The following YTHDC2 variants were observed in gnomAD, a reference collection of about 807,000 sequenced individuals.
The protein encoded by YTHDC2 is YTH N6-methyladenosine RNA binding protein C2.
In YTHDC2, 45 loss-of-function variants were observed where a neutral mutation model predicts 174.9. That is an observed-to-expected ratio of 0.26 (90% CI 0.20 to 0.33). The LOEUF is 0.33. Ranked by LOEUF, YTHDC2 falls within the 10% of genes least tolerant of loss-of-function variation. YTHDC2 has a pLI of 1.00. For synonymous variants in YTHDC2, 657 were observed against 574.5 expected, an observed-to-expected ratio of 1.14 and a Z score of -2.05; for missense variants, 1,650 against 1,723.7, an observed-to-expected ratio of 0.96 and a Z score of 0.76.
chr5:113,519,181 G>A (rs1442860169), intron 2 of YTHDC2, among the ~76,000 whole-genome samples: 2 of 151,984 alleles, frequency 1.3e-5, no homozygotes, highest in Admixed American at 1.3e-4. Context: ...GCGCTGTTTT[G>A]ATTATTTTTT....
intron 23 of YTHDC2, among the ~76,000 whole-genome samples, chr5:113,569,324 TG>T (rs1777564326): frequency 6.6e-6 from 1 of 152,234 alleles, no homozygotes; most frequent in Non-Finnish European, 1.5e-5. Context: ...TTGTTTCTTT[TG>T]CTGTGCAGAA....
intron 23 of YTHDC2, among the ~76,000 whole-genome samples, chr5:113,570,764 C>T (rs529064335): frequency 2.0e-5 from 3 of 152,206 alleles, no homozygotes; most frequent in African/African-American, 7.2e-5. Context: ...AATTCTGCTG[C>T]CTCAGCCTCC....
At chr5:113,530,310 C>G (rs770171604) in intron 4 of YTHDC2, among the ~76,000 whole-genome samples, 1 of 151,844 alleles carries the variant, frequency 6.6e-6, no homozygotes. Context: ...GTCTATAGTA[C>G]CAGTGTCTAT....
At chr5:113,517,626 T>G (rs1408922940) in intron 2 of YTHDC2, 1 of 456,282 alleles carries the variant, frequency 2.2e-6, no homozygotes, top group Non-Finnish European at 4.4e-6. Flanking sequence ...TGCCTATTTA[T>G]CCAGTCCCTA....
Position 113,567,654 on chromosome 5 carries a change from A to T in YTHDC2, c.3049A>T (p.Ile1017Phe), listed in dbSNP as rs549548009. 5.7e-6 allele frequency: 9 copies of T among 1,586,210 alleles called. No individual in the cohort carries two copies. The highest frequency in any genetic ancestry group is 2.7e-5 in the African/African-American group (2 of 73,318). Reference protein sequence around the residue: ...SVLSQPQYKKIPPANGQAAAI... With the variant: ...SVLSQPQYKKFPPANGQAAAI... ...TTTTTAAAATTTATTTTCTTAATAG[A>T]TTCCTCCAGCCAATGGTCAAGCTGC... The change falls in exon 23 of 30, where the codon ATT becomes TTT. Residue 1017 changes from isoleucine (I) to phenylalanine (F), a missense_variant and splice_region_variant. Coordinates refer to ENST00000161863, the MANE Select transcript of YTHDC2 (RefSeq NM_022828.5).
At position 113,564,082 on chromosome 5, in the gene YTHDC2, T is replaced by C; in HGVS notation, c.2666T>C (p.Phe889Ser). 6.2e-7 allele frequency: 1 copy of C among 1,614,184 alleles called. No individual in the cohort carries two copies. The highest frequency in any genetic ancestry group is 1.1e-5 in the South Asian group (1 of 91,082). The change falls in exon 20 of 30, where the codon TTT becomes TCT. Residue 889 changes from phenylalanine to serine, a missense_variant. Phe to Ser is a radical substitution (Grantham distance 155). Transcript: ENST00000161863. ...GCAGCTATGCTTTGTAGGAAACGTT[T>C]TACTGCAGGAGCTTTCAGTGACCAT... ...KRAAMLCRKR[F>S]TAGAFSDHMA...
chr5:113,584,423 G>T lies in YTHDC2; in HGVS notation c.3769G>T (p.Asp1257Tyr). Residue 1257 changes from aspartate (D) to tyrosine (Y), a missense_variant, in exon 26 of 30, where the codon GAC (aspartate) becomes TAC (tyrosine). Physicochemically the swap from Asp to Tyr is radical, Grantham distance 160 (BLOSUM62 -3). Around this residue, in one of 5 missense-constraint regions of YTHDC2, gnomAD observed 913 missense variants for 940.4 expected, o/e 0.97. Transcript: ENST00000161863. ...AGATCAGTCTTCTCTGAAATCTACAGACAGCAGTAGTTACCCAAGTCCTTG... is the reference window on the plus strand; with the variant it reads ...AGATCAGTCTTCTCTGAAATCTACATACAGCAGTAGTTACCCAAGTCCTTG... ...RSDQSSLKST[D>Y]SSSYPSPCAS... 1 of 1,613,786 alleles carries T rather than the reference G, an allele frequency of 6.2e-7. No homozygotes were observed. The highest frequency in any genetic ancestry group is 8.5e-7 in the Non-Finnish European group (1 of 1,179,808).
rs34053583 is a variant in YTHDC2 at position 113,553,157 on chromosome 5, CTTTTT to C, written c.1689-8_1689-4del. Reference sequence around the variant, plus strand: ...TTTTGTTAATGGAAATTGACTTTGTCTTTTTTTTTTTTTTTTTTTTCAGTGCTACA... The same window carrying C: ...TTTTGTTAATGGAAATTGACTTTGTCTTTTTTTTTTTTTTTCAGTGCTACA... On this transcript the variant is annotated intron_variant, in intron 12 of 29. Transcript: ENST00000161863. The C allele has an allele frequency of 9.9e-4, 1,088 of 1,095,512 alleles. No homozygotes were observed. Among genetic ancestry groups the C allele is most frequent in the East Asian group, 2.9e-3 (79 of 27,560 alleles). The allele number at this position is 1,095,512 out of a possible 1,614,324, so 67.9% of individuals were successfully genotyped here.
intron 4 of YTHDC2, 66 bp from the exon 5 acceptor site, chr5:113,532,813 G>C: frequency 7.0e-7 from 1 of 1,433,730 alleles, no homozygotes; most frequent in Non-Finnish European, 9.4e-7. Context: ...TTTTTCAGTT[G>C]ATTCACTTAG....
intron 17 of YTHDC2, among the ~76,000 whole-genome samples, chr5:113,559,139 C>G (rs1776797903): frequency 7.2e-6 from 1 of 138,036 alleles, no homozygotes; most frequent in Admixed American, 7.5e-5. Flanking sequence ...ATATAGAAAT[C>G]TCTTAGAGGA....
At position 113,535,786 on chromosome 5, in the gene YTHDC2, C is replaced by T. The variant is rs931592912; in HGVS notation, c.1090C>T (p.Pro364Ser). Residue 364 changes from proline to serine, a missense_variant, in exon 7 of 30, where the codon CCA (proline) becomes TCA (serine). Physicochemically the swap from Pro to Ser is moderately conservative, Grantham distance 74. Transcript: ENST00000161863. ...NLFIRYFGSC[P>S]VIYIQGRPFE... ...CTTTATAAGATATTTTGGAAGTTGT[C>T]CAGTGATATATAGTAAGTTAAATTG... 2 of 1,607,186 alleles carry T rather than the reference C, an allele frequency of 1.2e-6. No homozygotes were observed. The highest frequency in any genetic ancestry group is 8.5e-7 in the Non-Finnish European group (1 of 1,176,646).
At position 113,513,714 on chromosome 5, in the gene YTHDC2, A is replaced by G; in HGVS notation, c.-182A>G. ...CCCGCGCTCCTCGCCTGGCCGTGAT[A>G]TCAATGGCGCAGGCTTCACTTCTGC... On this transcript the variant is annotated 5_prime_UTR_variant, in exon 1 of 30. It adds an upstream start codon to the 5' untranslated region. Transcript: ENST00000161863. 1.5e-5 allele frequency: 10 copies of G among 662,946 alleles called. No individual in the cohort carries two copies. In the South Asian group the frequency reaches 1.8e-4, roughly 12 times the overall value. The allele number at this position is 662,946 out of a possible 1,614,324, so 41.1% of individuals were successfully genotyped here.
intron 2 of YTHDC2, chr5:113,517,717 T>C: frequency 5.4e-6 from 2 of 367,694 alleles, no homozygotes; most frequent in Non-Finnish European, 5.4e-6. Context: ...TTGAGTAAAC[T>C]TTGTACTATA....
At chr5:113,540,099 G>T (rs1341929432) in intron 8 of YTHDC2, among the ~76,000 whole-genome samples, 3 of 152,094 alleles carry the variant, frequency 2.0e-5, no homozygotes, top group African/African-American at 7.2e-5. Context: ...CATCGCCCAG[G>T]CTGGTCTTGA....
intron 23 of YTHDC2, among the ~76,000 whole-genome samples, chr5:113,570,399 G>T (rs1378067776): frequency 6.6e-6 from 1 of 152,000 alleles, no homozygotes; most frequent in African/African-American, 2.4e-5. Context: ...ATCATGCTTG[G>T]CCTTTTCCTA....
chr5:113,541,158 T>C (rs759914785), intron 9 of YTHDC2, 42 bp downstream of exon 9: 2 of 1,610,644 alleles, frequency 1.2e-6, no homozygotes, highest in African/African-American at 1.3e-5. Flanking sequence ...TGTGTGAAAA[T>C]TGTGTAGGTT....
At chr5:113,539,498 C>T (rs532499610) in intron 8 of YTHDC2, among the ~76,000 whole-genome samples, 2 of 152,166 alleles carry the variant, frequency 1.3e-5, no homozygotes, top group East Asian at 1.9e-4. Flanking sequence ...TAGGGAAGGA[C>T]TGGGAAGTGA....
chr5:113,553,725 G>C (rs755183379), intron 14 of YTHDC2, 39 bp downstream of exon 14: 4 of 1,612,616 alleles, frequency 2.5e-6, no homozygotes, highest in Non-Finnish European at 3.4e-6. Context: ...TTAAAATAAC[G>C]GACAGGTCTT....
rs140764920 is a variant in YTHDC2 at position 113,555,839 on chromosome 5, C to T, written c.2134-213C>T. ...GCACAGAATGGAGAAGTTTTACGCT[C>T]TTCTGAGTTTAGTTTTTAAATCCTT... is the stretch of plus-strand genomic sequence containing the variant. On this transcript the variant is annotated intron_variant, in intron 16 of 29. Coordinates refer to ENST00000161863, the MANE Select transcript of YTHDC2 (RefSeq NM_022828.5). 3.1e-3 allele frequency among the ~76,000 whole-genome samples: 476 copies of T among 152,256 alleles called. 7 individuals are homozygous for T. Among genetic ancestry groups the T allele is most frequent in the East Asian group, 0.02 (104 of 5,184 alleles).
Sources: allele counts gnomAD v4.1 joint callset (sites outside exome capture counted in the v4.1 genomes callset), GRCh38; gene constraint gnomAD v4.1.1; regional missense constraint gnomAD v4.1.1; transcripts MANE v1.5; gene names NCBI Gene and HGNC (gene_info 2026-07-23, HGNC 2026-07-21).